C10orf90: variants seen among roughly 807,000 people sequenced by gnomAD.
C10orf90 encodes chromosome 10 open reading frame 90.
In C10orf90, 56 loss-of-function variants were observed where a neutral mutation model predicts 62.5. The observed-to-expected ratio is 0.90, with a 90% confidence interval of 0.72 to 1.12. C10orf90 has a LOEUF of 1.12. C10orf90 is among the 50% of genes most tolerant of loss of function. C10orf90 has a pLI of 0.00. For missense variants in C10orf90, 970 were observed against 880.4 expected (o/e 1.10, Z -1.29); for synonymous variants, 386 against 340.4 (o/e 1.13, Z -1.47).
chr10:126,599,436 G>T (rs1354887531), intron 2 of C10orf90, among the ~76,000 whole-genome samples: 2 of 151,188 alleles, frequency 1.3e-5, no homozygotes, highest in South Asian at 2.1e-4. Flanking sequence ...TCCTGACCTC[G>T]TGATCCACCT....
At chr10:126,537,073 A>T (rs1012374692) in intron 2 of C10orf90, among the ~76,000 whole-genome samples, 17 of 152,188 alleles carry the variant, frequency 1.1e-4, no homozygotes, top group African/African-American at 3.9e-4. Context: ...GCCAGGCTTG[A>T]TATCACACAT....
At chr10:126,565,339 TATA>T (rs1844345607) in intron 2 of C10orf90, among the ~76,000 whole-genome samples, 1 of 41,464 alleles carries the variant, frequency 2.4e-5, no homozygotes, top group East Asian at 6.0e-4. Flanking sequence ...TTATATTATA[TATA>T]ATATATAATA....
chr10:126,512,326 CTATGTGTGTG>C (rs1564846830), intron 3 of C10orf90, among the ~76,000 whole-genome samples: 32 of 139,638 alleles, frequency 2.3e-4, no homozygotes, highest in South Asian at 4.7e-4. Flanking sequence ...TGTGTGTGTT[CTATGTGTGTG>C]TATGTGTGTG....
chr10:126,442,395 T>G (rs1331376425), intron 7 of C10orf90, among the ~76,000 whole-genome samples: 1 of 143,478 alleles, frequency 7.0e-6, no homozygotes, highest in Non-Finnish European at 1.5e-5. Flanking sequence ...ACACTGGAGC[T>G]CCCAAATTTA....
chr10:126,478,253 G>T (rs1860998808), intron 4 of C10orf90, among the ~76,000 whole-genome samples: 1 of 152,172 alleles, frequency 6.6e-6, no homozygotes, highest in South Asian at 2.1e-4. Context: ...TTCCCACCTG[G>T]TTCTGCCACC....
intron 3 of C10orf90, chr10:126,511,884 A>T (rs1221511779): frequency 6.6e-6 from 1 of 152,066 alleles, no homozygotes; most frequent in African/African-American, 2.4e-5. Flanking sequence ...TAAAGAAGAG[A>T]ACTCCGTTCT....
Position 126,528,755 on chromosome 10 carries a change from T to C in C10orf90, c.314-14816A>G, listed in dbSNP as rs1263933119. 1.3e-5 allele frequency among the ~76,000 whole-genome samples: 2 copies of C among 152,204 alleles called. 1 individual carries two copies. Among genetic ancestry groups the C allele is most frequent in the Non-Finnish European group, 2.9e-5 (2 of 68,040 alleles). The stretch of plus-strand genomic sequence containing the variant: ...ACTCTCAGGTCCTTCTTAGAGGACA[T>C]TCCCACAGCCTGCAATGCTGCTTCT... On this transcript the variant is annotated intron_variant, in intron 2 of 9. Coordinates refer to ENST00000488181, the MANE Select transcript of C10orf90 (RefSeq NM_001350921.2).
At chr10:126,559,375 TA>T (rs1305984519) in intron 2 of C10orf90, among the ~76,000 whole-genome samples, 1 of 152,240 alleles carries the variant, frequency 6.6e-6, no homozygotes, top group Non-Finnish European at 1.5e-5. Context: ...TCAGCTTTTT[TA>T]TGGACACCTG....
In C10orf90 at chr10:126,453,168, G is replaced by A. The variant is rs558723311; in HGVS notation, c.2188+5872C>T. Among the ~76,000 whole-genome samples the A allele has an allele frequency of 6.6e-6, 1 of 152,286 alleles. No homozygotes were observed. Among genetic ancestry groups the A allele is most frequent in the African/African-American group, 2.4e-5 (1 of 41,562 alleles). The stretch of plus-strand genomic sequence containing the variant: ...TCCAGAGAATTCCATTCCTCTACTC[G>A]TGCATGATTTGAATGGCTCTGACTT... On this transcript the variant is annotated intron_variant, in intron 7 of 9. Coordinates refer to ENST00000488181, the MANE Select transcript of C10orf90 (RefSeq NM_001350921.2). The surrounding 1 kb of genome is among the most constrained non-coding windows in gnomAD (Gnocchi z 4.9).
At chr10:126,558,198 C>T (rs1313946858) in intron 2 of C10orf90, among the ~76,000 whole-genome samples, 1 of 152,194 alleles carries the variant, frequency 6.6e-6, no homozygotes, top group African/African-American at 2.4e-5. Flanking sequence ...TCATCTCATA[C>T]TTGTATTACT....
At chr10:126,455,246 C>G (rs1229199930) in intron 7 of C10orf90, among the ~76,000 whole-genome samples, 2 of 152,188 alleles carry the variant, frequency 1.3e-5, no homozygotes, top group Admixed American at 1.3e-4. Context: ...CCCGCCCATC[C>G]CCATTTTACC....
At chr10:126,639,602 C>T (rs4962583) in intron 2 of C10orf90, among the ~76,000 whole-genome samples, 55,639 of 151,972 alleles carry the variant, frequency 0.37, 10,384 homozygotes, top group South Asian at 0.52. Context: ...ATGTCCACCC[C>T]GATGTCTGAT....
intron 2 of C10orf90, among the ~76,000 whole-genome samples, chr10:126,515,939 T>C (rs1863416240): frequency 6.6e-6 from 1 of 152,214 alleles, no homozygotes; most frequent in Non-Finnish European, 1.5e-5. Context: ...AGATTACTTT[T>C]CGTGAAGCAC....
intron 4 of C10orf90, among the ~76,000 whole-genome samples, chr10:126,478,375 G>A (rs541809919): frequency 6.6e-6 from 1 of 152,316 alleles, no homozygotes; most frequent in African/African-American, 2.4e-5. Context: ...GGGACCACTG[G>A]AAAATGCGAC....
At chr10:126,578,729 A>T (rs533478534) in intron 2 of C10orf90, among the ~76,000 whole-genome samples, 1 of 152,256 alleles carries the variant, frequency 6.6e-6, no homozygotes, top group African/African-American at 2.4e-5. Flanking sequence ...GGGTAACTAA[A>T]TTGAATGTTT....
intron 6 of C10orf90, 88 bp downstream of exon 6, chr10:126,461,313 A>C (rs1859958278): frequency 6.9e-7 from 1 of 1,452,564 alleles, no homozygotes; most frequent in East Asian, 2.3e-5. Flanking sequence ...CCAGCCTCAG[A>C]GGTGCAAGTG....
intron 7 of C10orf90, among the ~76,000 whole-genome samples, chr10:126,440,673 G>GT (rs1424680587): frequency 6.6e-6 from 1 of 152,152 alleles, no homozygotes; most frequent in Non-Finnish European, 1.5e-5. Flanking sequence ...GCAGGTGCTG[G>GT]TATCCATGGC....
chr10:126,670,678 G>A lies in C10orf90; in HGVS notation c.-198C>T, dbSNP rs1463524035. Among the ~76,000 whole-genome samples, 1 of 141,894 alleles carries A rather than the reference G, an allele frequency of 7.0e-6. No individual in the cohort carries two copies. The highest frequency in any genetic ancestry group is 1.5e-5 in the Non-Finnish European group (1 of 66,596). 93.1% of individuals were successfully genotyped at this position (141,894 alleles called of 152,430 possible). On this transcript the variant is annotated 5_prime_UTR_variant, in exon 1 of 10. Transcript: ENST00000488181. Reference sequence around the variant, plus strand: ...AGGATGTGGATGTGGGAACCTCAGGGGTGACCTTTACGTGCCAAAAAAAAA... The same window carrying A: ...AGGATGTGGATGTGGGAACCTCAGGAGTGACCTTTACGTGCCAAAAAAAAA...
chr10:126,472,549 T>C (rs1200092484), intron 4 of C10orf90, among the ~76,000 whole-genome samples: 1 of 152,192 alleles, frequency 6.6e-6, no homozygotes, highest in Non-Finnish European at 1.5e-5. Flanking sequence ...GGTGGGCTCC[T>C]TGCTGTTGAT....
Sources: allele counts gnomAD v4.1 joint callset (sites outside exome capture counted in the v4.1 genomes callset), GRCh38; gene constraint gnomAD v4.1.1; non-coding constraint Gnocchi (gnomAD v3.1); transcripts MANE v1.5; gene names NCBI Gene and HGNC (gene_info 2026-07-23, HGNC 2026-07-21).